The following STEAP4 variants were observed in gnomAD, a reference collection of about 807,000 sequenced individuals.
The protein encoded by STEAP4 is STEAP4 metalloreductase.
A neutral mutation model predicts 43.6 loss-of-function variants in STEAP4; 36 were observed. That is an observed-to-expected ratio of 0.83 (90% CI 0.63 to 1.09). The LOEUF (loss-of-function observed/expected upper bound fraction) is 1.09, where lower values mean the gene tolerates loss of function less well. Among genes scored for constraint, STEAP4 ranks in the 50% least tolerant of loss-of-function variants. The pLI, the probability that STEAP4 is intolerant of heterozygous loss-of-function variation, is 0.00. For synonymous variants in STEAP4, 191 were observed against 196.7 expected (o/e 0.97, Z 0.24); for missense variants, 495 against 546.5 (o/e 0.91, Z 0.94).
chr7:88,298,507 AC>A (rs1463593554), intron 1 of STEAP4, among the ~76,000 whole-genome samples: 1 of 150,738 alleles, frequency 6.6e-6, no homozygotes, highest in Non-Finnish European at 1.5e-5. Flanking sequence ...ACACACACAC[AC>A]ACCTTTTACT....
rs1326124285 is a variant in STEAP4, at chr7:88,279,464, G to T, written c.1314C>A (p.Ile438=). The part of the protein sequence containing the change: ...CTVLVIKFVL[I]MPCVDNTLTR... ...TAAGGGTGTTGTCTACACATGGCAT[G>T]ATTAGGACAAACTTGATCACCAGCA... Residue 438 remains isoleucine (I), a synonymous_variant, in exon 5 of 5, where the codon ATC becomes ATA. Coordinates refer to ENST00000380079, the MANE Select transcript of STEAP4 (RefSeq NM_024636.4). 6.2e-7 allele frequency: 1 copy of T among 1,614,122 alleles called. No individual in the cohort carries two copies. The highest frequency in any genetic ancestry group is 2.2e-5 in the East Asian group (1 of 44,872).
rs1852576148 is a variant in STEAP4, at chr7:88,279,510, C to T, written c.1268G>A (p.Gly423Glu). Reference sequence around the variant, plus strand: ...CAGCACAGTGCAAGGAATGATAAGCCCTAACACGTAGGCTGCAGGAAGATA... The same window carrying T: ...CAGCACAGTGCAAGGAATGATAAGCTCTAACACGTAGGCTGCAGGAAGATA... ...RWYLPAAYVL[G>E]LIIPCTVLVI... The change falls in exon 5 of 5, where the codon GGG becomes GAG. Residue 423 changes from glycine to glutamate, a missense_variant. Physicochemically the swap from Gly to Glu is moderately conservative, Grantham distance 98 (BLOSUM62 -2). Transcript: ENST00000380079. The T allele has an allele frequency of 6.2e-7, 1 of 1,613,922 alleles. No homozygotes were observed. The highest frequency in any genetic ancestry group is 8.5e-7 in the Non-Finnish European group (1 of 1,180,018).
rs951519504 is a variant in STEAP4 at position 88,286,365 on chromosome 7, A to G, written c.-2-2094T>C. ...AAAGTTAAACACCATTTTATATTTG[A>G]CAATGTTTCCTGCATGATTTTAATA... On this transcript the variant is annotated intron_variant, in intron 1 of 4. Coordinates refer to ENST00000380079, the MANE Select transcript of STEAP4 (RefSeq NM_024636.4). Among the ~76,000 whole-genome samples, 120 of 152,366 alleles carry G rather than the reference A, an allele frequency of 7.9e-4. 1 individual carries two copies. The highest frequency in any genetic ancestry group is 2.7e-3 in the African/African-American group (114 of 41,592).
chr7:88,301,704 T>C (rs1307653668), intron 1 of STEAP4, among the ~76,000 whole-genome samples: 1 of 152,076 alleles, frequency 6.6e-6, no homozygotes, highest in East Asian at 1.9e-4. Flanking sequence ...GCCTCCCAGG[T>C]AGCAGGGACT....
intron 1 of STEAP4, among the ~76,000 whole-genome samples, chr7:88,304,786 C>T (rs1229651072): frequency 2.0e-5 from 3 of 151,986 alleles, no homozygotes; most frequent in Non-Finnish European, 2.9e-5. Flanking sequence ...GATCCTAAAA[C>T]AGTGGAATGT....
chr7:88,295,698 G>T (rs921960398), intron 1 of STEAP4, among the ~76,000 whole-genome samples: 3 of 152,198 alleles, frequency 2.0e-5, no homozygotes, highest in Non-Finnish European at 4.4e-5. Flanking sequence ...CTGAGGTAGA[G>T]CCCAGGCATC....
intron 1 of STEAP4, among the ~76,000 whole-genome samples, chr7:88,299,238 C>T (rs1372584730): frequency 2.0e-5 from 3 of 152,184 alleles, no homozygotes; most frequent in East Asian, 3.8e-4. Flanking sequence ...TGCCACATTT[C>T]GATCTCAGCA....
At position 88,271,179 on chromosome 7, in the gene STEAP4, A is replaced by T. The variant is rs980516750; in HGVS notation, c.*8219T>A. 2.0e-5 allele frequency: 3 copies of T among 152,150 alleles called. No homozygotes were observed. The highest frequency in any genetic ancestry group is 4.4e-5 in the Non-Finnish European group (3 of 68,012). The allele number at this position is 152,150 out of a possible 1,614,324, so 9.4% of individuals were successfully genotyped here. ...TCTAGCTGTAATTTTGTATCTTTTA[A>T]CAAATTTCTTCCTATCCCCCATTAC... On this transcript the variant is annotated 3_prime_UTR_variant, in exon 5 of 5. Coordinates refer to ENST00000380079, the MANE Select transcript of STEAP4 (RefSeq NM_024636.4).
chr7:88,290,962 G>T (rs943369595), intron 1 of STEAP4: 1 of 151,992 alleles, frequency 6.6e-6, no homozygotes, highest in Admixed American at 6.6e-5. Context: ...CTCACACCTC[G>T]CCCGGCAGTG....
intron 1 of STEAP4, among the ~76,000 whole-genome samples, chr7:88,291,826 C>A (rs1220378333): frequency 1.3e-5 from 2 of 152,172 alleles, no homozygotes; most frequent in East Asian, 3.9e-4. Context: ...TCCTCTCCTT[C>A]CTTCAGTCTC....
At chr7:88,305,337 CATGCAGGTCAAATCTCAT>C (rs1401302281) in intron 1 of STEAP4, among the ~76,000 whole-genome samples, 1 of 152,172 alleles carries the variant, frequency 6.6e-6, no homozygotes, top group African/African-American at 2.4e-5. Context: ...AGGTAGAATA[CATGCAGGTCAAATCTCAT>C]ATTGTGCTAA....
chr7:88,293,150 T>A (rs1852865934), intron 1 of STEAP4, among the ~76,000 whole-genome samples: 1 of 152,250 alleles, frequency 6.6e-6, no homozygotes, highest in African/African-American at 2.4e-5. Context: ...CATGATTTTT[T>A]ATTTTAGCCA....
At position 88,279,648 on chromosome 7, in the gene STEAP4, A is replaced by C. The variant is rs761716344; in HGVS notation, c.1150-20T>G. ...TTTGGACTATAAACAAGAAACAAAA[A>C]TATGTAAGTTAACATTATTTACATC... On this transcript the variant is annotated intron_variant, in intron 4 of 4. Coordinates refer to ENST00000380079, the MANE Select transcript of STEAP4 (RefSeq NM_024636.4). The C allele has an allele frequency of 9.6e-6, 15 of 1,568,640 alleles. No homozygotes were observed. The South Asian group carries it at 1.6e-4, about 17-fold the overall frequency.
intron 1 of STEAP4, among the ~76,000 whole-genome samples, chr7:88,288,432 A>C (rs893139246): frequency 6.6e-6 from 1 of 152,214 alleles, no homozygotes; most frequent in Admixed American, 6.5e-5. Flanking sequence ...AGCCTCCCAA[A>C]GTCCTGGGAT....
At chr7:88,301,614 G>A (rs12386756) in intron 1 of STEAP4, among the ~76,000 whole-genome samples, 38,028 of 150,478 alleles carry the variant, frequency 0.25, 5,772 homozygotes, top group East Asian at 0.77. Flanking sequence ...GCTGGAGTGC[G>A]GTGGTGCCAT....
intron 1 of STEAP4, among the ~76,000 whole-genome samples, chr7:88,290,018 A>T (rs1852810216): frequency 1.3e-5 from 2 of 152,188 alleles, no homozygotes; most frequent in Non-Finnish European, 2.9e-5. Flanking sequence ...ACTTAAAAAA[A>T]TTATTTTATC....
At chr7:88,302,616 T>C (rs1283827079) in intron 1 of STEAP4, among the ~76,000 whole-genome samples, 14 of 152,118 alleles carry the variant, frequency 9.2e-5, no homozygotes, top group African/African-American at 2.4e-4. Flanking sequence ...TGCCATCAGC[T>C]CTCTGAGCCC....
At chr7:88,286,169 G>A (rs921055871) in intron 1 of STEAP4, among the ~76,000 whole-genome samples, 6 of 152,106 alleles carry the variant, frequency 3.9e-5, no homozygotes, top group Admixed American at 6.6e-5. Flanking sequence ...TAGGGAAGCC[G>A]CAGTCAAAGA....
intron 1 of STEAP4, among the ~76,000 whole-genome samples, chr7:88,302,805 T>G (rs1563505516): frequency 6.6e-6 from 1 of 151,648 alleles, no homozygotes; most frequent in Non-Finnish European, 1.5e-5. Flanking sequence ...AATGCAAAAA[T>G]TAGGTAGGCT....
Sources: gnomAD v4.1 joint callset for allele counts (sites outside exome capture counted in the v4.1 genomes callset) on GRCh38, gnomAD v4.1.1 for gene constraint, MANE v1.5 for transcripts, NCBI Gene and HGNC (gene_info 2026-07-23, HGNC 2026-07-21) for gene names.